CNTN4: variants seen among roughly 807,000 people sequenced by gnomAD.
CNTN4 encodes contactin-4.
Under a neutral mutation model 122.5 loss-of-function variants are expected in CNTN4, and 77 were observed. The observed-to-expected ratio is 0.63, with a 90% CI of 0.52 to 0.76. The LOEUF (loss-of-function observed/expected upper bound fraction) is 0.76. CNTN4 is among the 30% of genes least tolerant of loss of function. The probability of loss-of-function intolerance (pLI) is 0.00; values close to 1 mark genes in which losing one functional copy is unlikely to be tolerated. For synonymous variants in CNTN4, 512 were observed against 447.0 expected (o/e 1.15, Z -1.83); for missense variants, 1,256 against 1,259.1 (o/e 1.00, Z 0.04).
At chr3:3,025,700 C>T (rs1698666920) in intron 14 of CNTN4, among the ~76,000 whole-genome samples, 1 of 152,130 alleles carries the variant, frequency 6.6e-6, no homozygotes, top group African/African-American at 2.4e-5. Context: ...TAACAAACTT[C>T]AAATCAACAT....
intron 3 of CNTN4, among the ~76,000 whole-genome samples, chr3:2,422,880 G>T (rs1388741111): frequency 6.6e-6 from 1 of 152,064 alleles, no homozygotes; most frequent in Non-Finnish European, 1.5e-5. Context: ...ATTAATTAGT[G>T]GTGTGTTGTC....
rs576081819 is a variant in CNTN4 at position 2,354,917 on chromosome 3, G to A, written c.-89+15684G>A. Among the ~76,000 whole-genome samples, 36 of 152,284 alleles carry A rather than the reference G, an allele frequency of 2.4e-4. 1 individual carries two copies. The highest frequency in any genetic ancestry group is 8.7e-4 in the African/African-American group (36 of 41,566). ...AAAAGGCTCCAAGACAGAAATAGGA[G>A]CATTAGCAGCAGGAAGTGTCTTGGG... On this transcript the variant is annotated intron_variant, in intron 3 of 24. Transcript: ENST00000418658.
chr3:2,494,359 G>T (rs1422926380), intron 3 of CNTN4, among the ~76,000 whole-genome samples: 1 of 152,158 alleles, frequency 6.6e-6, no homozygotes, highest in Non-Finnish European at 1.5e-5. Flanking sequence ...TGTGGCAGGG[G>T]GCTTACAGGT....
At chr3:3,010,734 A>G (rs886372789) in intron 14 of CNTN4, among the ~76,000 whole-genome samples, 1 of 152,150 alleles carries the variant, frequency 6.6e-6, no homozygotes, top group Non-Finnish European at 1.5e-5. Flanking sequence ...TCACCTTCCC[A>G]GTGGTGTCAG....
At chr3:2,504,008 A>G (rs780329274) in intron 3 of CNTN4, among the ~76,000 whole-genome samples, 6 of 152,000 alleles carry the variant, frequency 3.9e-5, no homozygotes, top group Non-Finnish European at 8.8e-5. Flanking sequence ...GATTTCAACT[A>G]AAGCTTTTCT....
At chr3:2,737,327 C>T (rs551874277) in intron 5 of CNTN4, among the ~76,000 whole-genome samples, 9 of 151,402 alleles carry the variant, frequency 5.9e-5, no homozygotes, top group Admixed American at 1.3e-4. Flanking sequence ...GTGATCTGCC[C>T]GCCTCGGCCT....
intron 2 of CNTN4, among the ~76,000 whole-genome samples, chr3:2,106,410 C>T (rs1259871344): frequency 6.6e-6 from 1 of 151,452 alleles, no homozygotes; most frequent in Admixed American, 6.7e-5. Flanking sequence ...TTCCGTACAT[C>T]TACTGAAATC....
chr3:2,834,551 T>G (rs1292370755), intron 7 of CNTN4, among the ~76,000 whole-genome samples: 2 of 152,020 alleles, frequency 1.3e-5, no homozygotes, highest in Admixed American at 6.6e-5. Flanking sequence ...TGGGCAACAC[T>G]GCGAGACTCC....
In CNTN4 at chr3:2,709,458, G is replaced by C. The variant is rs2086975873; in HGVS notation, c.56-26757G>C. Among the ~76,000 whole-genome samples the C allele has an allele frequency of 6.6e-6, 1 of 151,960 alleles. No individual in the cohort carries two copies. The highest frequency in any genetic ancestry group is 1.5e-5 in the Non-Finnish European group (1 of 67,984). On this transcript the variant is annotated intron_variant, in intron 4 of 24. Coordinates refer to ENST00000418658, the MANE Select transcript of CNTN4 (RefSeq NM_175607.3). This position sits in a 1 kb window ranked among gnomAD's most constrained non-coding sequence, Gnocchi z 5.0. ...CTCAGGTGATCATCGTGTGCAATGG[G>C]GGATGGGAACTACTGAAACCTAATC... is the stretch of plus-strand genomic sequence containing the variant.
intron 2 of CNTN4, among the ~76,000 whole-genome samples, chr3:2,295,447 C>T (rs577171974): frequency 7.3e-6 from 1 of 137,598 alleles, no homozygotes; most frequent in East Asian, 2.8e-4. Context: ...AGCATTTTTT[C>T]ATGTGTTTTT....
intron 3 of CNTN4, among the ~76,000 whole-genome samples, chr3:2,367,783 C>CCCCAAAATTGTG (rs1158766813): frequency 6.6e-6 from 1 of 152,110 alleles, no homozygotes; most frequent in African/African-American, 2.4e-5. Context: ...TTGCACCTAG[C>CCCCAAAATTGTG]ATCTTTTTAA....
chr3:2,438,600 A>G (rs1485698378), intron 3 of CNTN4, among the ~76,000 whole-genome samples: 1 of 152,234 alleles, frequency 6.6e-6, no homozygotes, highest in Non-Finnish European at 1.5e-5. Flanking sequence ...AGGCCCAAAC[A>G]ATGTCTTTTA....
chr3:2,784,905 A>G (rs781536056), intron 6 of CNTN4, among the ~76,000 whole-genome samples: 59 of 152,206 alleles, frequency 3.9e-4, no homozygotes, highest in Non-Finnish European at 6.3e-4. Context: ...GTATGAGTAT[A>G]GGGAAGATTT....
intron 7 of CNTN4, among the ~76,000 whole-genome samples, chr3:2,834,330 C>T (rs972422232): frequency 7.9e-5 from 12 of 151,916 alleles, no homozygotes; most frequent in African/African-American, 1.7e-4. Flanking sequence ...TTTGGGAGGC[C>T]GAGGTGGGCA....
intron 4 of CNTN4, among the ~76,000 whole-genome samples, chr3:2,705,827 AAT>A (rs1270012981): frequency 1.5e-3 from 152 of 104,684 alleles, no homozygotes; most frequent in African/African-American, 5.5e-3. Flanking sequence ...ATATATAATA[AAT>A]ATATATAATA....
At chr3:2,326,919 T>A (rs187712972) in intron 2 of CNTN4, among the ~76,000 whole-genome samples, 39 of 152,320 alleles carry the variant, frequency 2.6e-4, no homozygotes, top group Non-Finnish European at 4.4e-5. Flanking sequence ...TAGTTGACTA[T>A]CCATAAATCA....
At chr3:3,044,035 A>G (rs1254794061) in intron 23 of CNTN4, among the ~76,000 whole-genome samples, 1 of 152,144 alleles carries the variant, frequency 6.6e-6, no homozygotes, top group African/African-American at 2.4e-5. Flanking sequence ...CTCGGTTTAT[A>G]TATATTTTTT....
intron 2 of CNTN4, among the ~76,000 whole-genome samples, chr3:2,217,283 G>T (rs1208117639): frequency 6.6e-6 from 1 of 152,024 alleles, no homozygotes; most frequent in African/African-American, 2.4e-5. Context: ...TACCATACTT[G>T]CAAGCAGTGT....
At chr3:2,881,491 C>A (rs956214203) in intron 8 of CNTN4, among the ~76,000 whole-genome samples, 1 of 147,208 alleles carries the variant, frequency 6.8e-6, no homozygotes, top group Non-Finnish European at 1.5e-5. Flanking sequence ...CCAGCCTGGG[C>A]GACAGAGCAA....
Sources: allele counts gnomAD v4.1 joint callset (sites outside exome capture counted in the v4.1 genomes callset), GRCh38; gene constraint gnomAD v4.1.1; non-coding constraint Gnocchi (gnomAD v3.1); transcripts MANE v1.5; gene names NCBI Gene and HGNC (gene_info 2026-07-23, HGNC 2026-07-21).